HHLA2: variants seen among roughly 807,000 people sequenced by gnomAD.
HHLA2 encodes the protein HERV-H LTR-associating protein 2.
A neutral mutation model predicts 45.9 loss-of-function variants in HHLA2; 48 were observed. The ratio of observed to expected loss-of-function variants is 1.05; its 90% confidence interval spans 0.83 to 1.33. The LOEUF (loss-of-function observed/expected upper bound fraction) is 1.33. HHLA2 is among the 40% of genes most tolerant of loss of function. The pLI is 0.00. For synonymous variants in HHLA2, 161 were observed against 173.9 expected (o/e 0.93, Z 0.59); for missense variants, 462 against 494.3 (o/e 0.93, Z 0.62).
intron 3 of HHLA2, among the ~76,000 whole-genome samples, chr3:108,341,415 A>G (rs1287694812): frequency 6.6e-6 from 1 of 152,226 alleles, no homozygotes; most frequent in African/African-American, 2.4e-5. Flanking sequence ...GGCACATTAA[A>G]CTTACTACAA....
At chr3:108,315,454 A>G (rs1422785857) in intron 2 of HHLA2, among the ~76,000 whole-genome samples, 2 of 152,204 alleles carry the variant, frequency 1.3e-5, no homozygotes, top group Non-Finnish European at 2.9e-5. Context: ...CATTAAGCCA[A>G]TTAGGATATG....
chr3:108,369,979 C>T (rs1029738147), intron 8 of HHLA2, among the ~76,000 whole-genome samples: 7 of 152,210 alleles, frequency 4.6e-5, no homozygotes, highest in South Asian at 2.1e-4. Context: ...TCTCCCAGCA[C>T]GCAGCTTGAG....
chr3:108,359,574 T>G (rs2081954355), intron 7 of HHLA2, among the ~76,000 whole-genome samples: 1 of 152,212 alleles, frequency 6.6e-6, no homozygotes, highest in Non-Finnish European at 1.5e-5. Context: ...CCAAGCTGAA[T>G]GGAATTAAAT....
At chr3:108,301,557 C>T (rs2080849373) in intron 1 of HHLA2, among the ~76,000 whole-genome samples, 2 of 152,010 alleles carry the variant, frequency 1.3e-5, no homozygotes, top group South Asian at 4.2e-4. Flanking sequence ...CCTCCCCTGC[C>T]CCCAATTATT....
At position 108,327,598 on chromosome 3, in the gene HHLA2, T is replaced by C. The variant is rs573235251; in HGVS notation, c.-104-672T>C. Among the ~76,000 whole-genome samples, 334 of 152,336 alleles carry C rather than the reference T, an allele frequency of 2.2e-3. 4 individuals are homozygous for C. The highest frequency in any genetic ancestry group is 7.8e-3 in the African/African-American group (323 of 41,584). ...GTCAGCTGTTAAATCAATCTATTGT[T>C]GCTAATTTCACTTATTTCCCAGTTC... On this transcript the variant is annotated intron_variant, in intron 2 of 10. Coordinates refer to ENST00000619531, the Ensembl canonical transcript of HHLA2.
intron 3 of HHLA2, among the ~76,000 whole-genome samples, chr3:108,332,088 A>G (rs552359153): frequency 6.6e-6 from 1 of 152,338 alleles, no homozygotes; most frequent in South Asian, 2.1e-4. Flanking sequence ...AGTCTAGGAA[A>G]CAAAGGACAT....
intron 8 of HHLA2, among the ~76,000 whole-genome samples, chr3:108,366,026 A>G (rs555944202): frequency 2.0e-5 from 3 of 150,966 alleles, no homozygotes; most frequent in Non-Finnish European, 4.5e-5. Context: ...ATGTTGAACT[A>G]TGGTGAGAGA....
intron 2 of HHLA2, among the ~76,000 whole-genome samples, chr3:108,323,370 C>T (rs1447341546): frequency 6.6e-6 from 1 of 152,100 alleles, no homozygotes; most frequent in African/African-American, 2.4e-5. Flanking sequence ...TGTATCAAAA[C>T]TTCTCATGTA....
intron 3 of HHLA2, among the ~76,000 whole-genome samples, chr3:108,345,027 C>G (rs1391207309): frequency 6.6e-6 from 1 of 152,192 alleles, no homozygotes; most frequent in Non-Finnish European, 1.5e-5. Flanking sequence ...GTGCTTCATC[C>G]TGGGCTCTGC....
At chr3:108,348,588 G>A (rs181342387) in intron 3 of HHLA2, among the ~76,000 whole-genome samples, 1 of 151,940 alleles carries the variant, frequency 6.6e-6, no homozygotes, top group African/African-American at 2.4e-5. Flanking sequence ...ATTGATTCAG[G>A]AGAGAGAGAG....
rs191642652 is a variant in HHLA2, at chr3:108,362,276, C to G, written c.1004-66C>G. ...TAAACATACTCCACCCTTACCCACCCACACATTTCTTATCTGGTAATTTTT... is the reference window on the plus strand; with the variant it reads ...TAAACATACTCCACCCTTACCCACCGACACATTTCTTATCTGGTAATTTTT... On this transcript the variant is annotated intron_variant, in intron 7 of 10. Coordinates refer to ENST00000619531, the Ensembl canonical transcript of HHLA2. The G allele has an allele frequency of 3.5e-6, 4 of 1,152,178 alleles. No individual in the cohort carries two copies. The African/African-American group carries it at 6.2e-5, about 18-fold the overall frequency. 71.4% of individuals were successfully genotyped at this position (1,152,178 alleles called of 1,614,324 possible).
intron 5 of HHLA2, 93 bp from the exon 5 acceptor site, chr3:108,355,022 C>T (rs1477341132): frequency 1.5e-6 from 2 of 1,339,490 alleles, no homozygotes; most frequent in East Asian, 4.9e-5. Context: ...TTTAGCTTTT[C>T]ATTTCATGGA....
exon 5 of HHLA2, chr3:108,353,676 C>T (rs1448486642): frequency 7.4e-6 from 12 of 1,613,502 alleles, no homozygotes; most frequent in Middle Eastern, 1.6e-4. Flanking sequence ...GGGAATGCGT[C>T]GCTATTTTTC....
chr3:108,342,856 T>C lies in HHLA2; in HGVS notation c.-26-8932T>C, dbSNP rs535465002. Among the ~76,000 whole-genome samples, 12 of 152,300 alleles carry C rather than the reference T, an allele frequency of 7.9e-5. No individual in the cohort carries two copies. The East Asian group carries it at 2.3e-3, about 29-fold the overall frequency. ...ACCTCAAACCTAATGCTTTGAGAGG[T>C]CTTCCTTAACACCCTGCCCCTTCCA... is the stretch of plus-strand genomic sequence containing the variant. On this transcript the variant is annotated intron_variant, in intron 3 of 10. Transcript: ENST00000619531.
chr3:108,368,603 A>C (rs1368919447), intron 8 of HHLA2, among the ~76,000 whole-genome samples: 1 of 149,782 alleles, frequency 6.7e-6, no homozygotes, highest in South Asian at 2.1e-4. Context: ...CTGATAAAAC[A>C]GACTTTAAAC....
intron 8 of HHLA2, among the ~76,000 whole-genome samples, chr3:108,364,774 G>C (rs746348418): frequency 2.0e-5 from 3 of 152,070 alleles, no homozygotes; most frequent in Non-Finnish European, 2.9e-5. Context: ...TCATATGTTT[G>C]TTGGCTGCAT....
At chr3:108,346,757 G>A (rs2081667942) in intron 3 of HHLA2, among the ~76,000 whole-genome samples, 2 of 152,302 alleles carry the variant, frequency 1.3e-5, no homozygotes, top group South Asian at 4.1e-4. Flanking sequence ...TTACTAATGT[G>A]CAGGCTAGAG....
At chr3:108,358,608 G>A (rs549902340) in intron 7 of HHLA2, among the ~76,000 whole-genome samples, 13 of 152,290 alleles carry the variant, frequency 8.5e-5, no homozygotes, top group Middle Eastern at 3.4e-3. Flanking sequence ...AATATTTGAA[G>A]CACCAAGTAT....
chr3:108,339,079 G>A (rs1411612237), intron 3 of HHLA2, among the ~76,000 whole-genome samples: 3 of 152,300 alleles, frequency 2.0e-5, no homozygotes, highest in East Asian at 3.9e-4. Flanking sequence ...GGAAAGCTGA[G>A]CAACTGAAAG....
Sources: allele counts gnomAD v4.1 joint callset (sites outside exome capture counted in the v4.1 genomes callset), GRCh38; gene constraint gnomAD v4.1.1; transcripts MANE v1.5; gene names NCBI Gene and HGNC (gene_info 2026-07-23, HGNC 2026-07-21).